Variants in ECPAS observed in about 807,000 individuals in gnomAD.
ECPAS encodes proteasome adapter and scaffold protein ECM29.
ECPAS carries 70 observed loss-of-function variants against 255.1 expected under a neutral mutation model. That is an observed-to-expected ratio of 0.27 (90% CI 0.23 to 0.33). ECPAS has a LOEUF of 0.33. ECPAS is among the 10% of genes least tolerant of loss of function. The pLI, the probability that ECPAS is intolerant of heterozygous loss-of-function variation, is 1.00. For missense variants in ECPAS, 1,817 were observed against 2,206.4 expected (o/e 0.82, Z 3.54); for synonymous variants, 784 against 775.0 (o/e 1.01, Z -0.19).
chr9:111,383,204 T>G lies in ECPAS; in HGVS notation c.3803+7A>C. ...CCAATACATTCATTTCATCAACGGA[T>G]GCACACCTGAGGGCTCGAACTTCCG... On this transcript the variant is annotated splice_region_variant and intron_variant, in intron 35 of 49. Transcript: ENST00000684092. 1 of 1,613,414 alleles carries G rather than the reference T, an allele frequency of 6.2e-7. No individual in the cohort carries two copies. The highest frequency in any genetic ancestry group is 8.5e-7 in the Non-Finnish European group (1 of 1,179,432).
intron 32 of ECPAS, 139 bp downstream of exon 32, chr9:111,386,238 A>T: frequency 1.5e-6 from 1 of 660,618 alleles, no homozygotes; most frequent in Non-Finnish European, 2.7e-6. Context: ...TGCTGGGATC[A>T]CAGGTGTGAG....
intron 5 of ECPAS, among the ~76,000 whole-genome samples, chr9:111,441,660 C>T (rs888131148): frequency 1.3e-5 from 2 of 152,206 alleles, no homozygotes; most frequent in African/African-American, 4.8e-5. Flanking sequence ...ACTCTTAAAA[C>T]ATCTGACAAC....
intron 7 of ECPAS, among the ~76,000 whole-genome samples, chr9:111,434,136 T>C (rs1292198946): frequency 3.3e-5 from 5 of 152,124 alleles, no homozygotes; most frequent in Non-Finnish European, 5.9e-5. Flanking sequence ...TTAATAAAGT[T>C]TACAATTATT....
At chr9:111,466,947 T>C (rs1391650572) in intron 2 of ECPAS, among the ~76,000 whole-genome samples, 1 of 152,200 alleles carries the variant, frequency 6.6e-6, no homozygotes, top group African/African-American at 2.4e-5. Flanking sequence ...TTTATCTTAT[T>C]CGCCTGTCTT....
chr9:111,378,278 G>A lies in ECPAS; in HGVS notation c.3954+302C>T, dbSNP rs540461537. The stretch of plus-strand genomic sequence containing the variant: ...TGCAAATACTCTTTGCTTACAGGGC[G>A]AGGGAGCCCATGGAAGGACTCTGAA... On this transcript the variant is annotated intron_variant, in intron 36 of 49. Coordinates refer to ENST00000684092, the MANE Select transcript of ECPAS (RefSeq NM_001364929.1). 5.4e-4 allele frequency among the ~76,000 whole-genome samples: 83 copies of A among 152,294 alleles called. No individual in the cohort carries two copies. In the Middle Eastern group the frequency reaches 0.01, roughly 19 times the overall value.
At chr9:111,375,982 C>T (rs1234004602) in intron 37 of ECPAS, among the ~76,000 whole-genome samples, 1 of 152,136 alleles carries the variant, frequency 6.6e-6, no homozygotes, top group Non-Finnish European at 1.5e-5. Flanking sequence ...ACCAAGACTC[C>T]AGGAAGTTTA....
intron 7 of ECPAS, among the ~76,000 whole-genome samples, chr9:111,435,087 C>CG (rs1050945167): frequency 2.2e-4 from 33 of 150,812 alleles, no homozygotes; most frequent in Non-Finnish European, 2.1e-4. Flanking sequence ...TTAATAGAGA[C>CG]GGGGTCTCAC....
chr9:111,468,996 A>G (rs1040667314), intron 2 of ECPAS, among the ~76,000 whole-genome samples: 1 of 152,226 alleles, frequency 6.6e-6, no homozygotes, highest in African/African-American at 2.4e-5. Flanking sequence ...AGTCCACTTC[A>G]TCTATCTGAA....
intron 12 of ECPAS, 138 bp from the exon 13 acceptor site, chr9:111,423,386 C>T (rs935314666): frequency 3.1e-5 from 20 of 638,816 alleles, no homozygotes; most frequent in Middle Eastern, 8.3e-4. Context: ...CTCACTCTGT[C>T]TAACTACATG....
At chr9:111,425,377 G>C (rs748464690) in intron 12 of ECPAS, 41 bp downstream of exon 12, 4 of 1,250,646 alleles carry the variant, frequency 3.2e-6, no homozygotes, top group Non-Finnish European at 4.4e-6. Flanking sequence ...AATACTTTAA[G>C]ATATAAAATG....
At chr9:111,416,883 C>T (rs1163123895) in intron 17 of ECPAS, among the ~76,000 whole-genome samples, 1 of 152,152 alleles carries the variant, frequency 6.6e-6, no homozygotes, top group Non-Finnish European at 1.5e-5. Flanking sequence ...CTGCCAATAT[C>T]CTGGATCTAC....
chr9:111,376,508 T>C lies in ECPAS; in HGVS notation c.3988A>G (p.Lys1330Glu). 1 of 1,600,958 alleles carries C rather than the reference T, an allele frequency of 6.2e-7. No individual in the cohort carries two copies. Among genetic ancestry groups the C allele is most frequent in the Non-Finnish European group, 8.5e-7 (1 of 1,173,378 alleles). Reference protein sequence around the residue: ...AMDSARLSAAKSSPMMETINM... With the variant: ...AMDSARLSAAESSPMMETINM... ...ATTGTTTCCATCATTGGAGAAGATT[T>C]GGCAGCACTAAGCCGAGCACTATCC... Residue 1330 changes from lysine to glutamate, a missense_variant, in exon 37 of 50, where the codon AAA (lysine) becomes GAA (glutamate). By Grantham distance (56) the Lys-to-Glu change is moderately conservative. Coordinates refer to ENST00000684092, the MANE Select transcript of ECPAS (RefSeq NM_001364929.1).
intron 49 of ECPAS, among the ~76,000 whole-genome samples, chr9:111,363,286 T>C (rs1564490724): frequency 6.6e-6 from 1 of 152,192 alleles, no homozygotes; most frequent in African/African-American, 2.4e-5. Context: ...CACATGCCAC[T>C]GTCAACCAAT....
chr9:111,451,789 C>A (rs998249838), intron 2 of ECPAS, among the ~76,000 whole-genome samples: 2 of 152,256 alleles, frequency 1.3e-5, no homozygotes, highest in South Asian at 2.1e-4. Context: ...ACAAAAAGTT[C>A]TCTCCCACAT....
intron 36 of ECPAS, among the ~76,000 whole-genome samples, chr9:111,378,061 G>A (rs1016702233): frequency 1.3e-5 from 2 of 152,034 alleles, no homozygotes; most frequent in African/African-American, 2.4e-5. Flanking sequence ...CAGGAGAATC[G>A]CTTGAACCTG....
rs781556785 is a variant in ECPAS at position 111,412,037 on chromosome 9, T to C, written c.2191A>G (p.Ile731Val). 4 of 1,577,570 alleles carry C rather than the reference T, an allele frequency of 2.5e-6. No homozygotes were observed. The highest frequency in any genetic ancestry group is 1.2e-5 in the South Asian group (1 of 83,768). Reference protein sequence around the residue: ...NELKSMIEQLIKTTKDNHSPE... With the variant: ...NELKSMIEQLVKTTKDNHSPE... ...ACGTGATTGTCTTTTGTAGTCTTTA[T>C]AAGCTGTTCTATCATTGATTTCAAC... is the stretch of plus-strand genomic sequence containing the variant. The change falls in exon 21 of 50, where the codon ATA becomes GTA. Residue 731 changes from isoleucine (I) to valine (V), a missense_variant. Ile to Val is a conservative substitution (Grantham distance 29). Coordinates refer to ENST00000684092, the MANE Select transcript of ECPAS (RefSeq NM_001364929.1).
chr9:111,441,233 GT>G (rs1246057624), intron 5 of ECPAS, among the ~76,000 whole-genome samples: 1 of 151,566 alleles, frequency 6.6e-6, no homozygotes, highest in Non-Finnish European at 1.5e-5. Context: ...GTCAGGCACA[GT>G]GGCTCACACC....
intron 39 of ECPAS, 83 bp downstream of exon 39, chr9:111,373,889 A>G (rs7029123): frequency 0.35 from 347,816 of 1,003,590 alleles, 67,837 homozygotes; most frequent in Non-Finnish European, 0.41. Context: ...GGTCTGAATG[A>G]TAAGTATTTT....
intron 35 of ECPAS, among the ~76,000 whole-genome samples, chr9:111,380,793 A>C (rs1004187075): frequency 6.6e-6 from 1 of 152,214 alleles, no homozygotes; most frequent in South Asian, 2.1e-4. Context: ...TCTTTATGTT[A>C]TGAAGACAGC....
Sources: gnomAD v4.1 joint callset for allele counts (sites outside exome capture counted in the v4.1 genomes callset) on GRCh38, gnomAD v4.1.1 for gene constraint, MANE v1.5 for transcripts, NCBI Gene and HGNC (gene_info 2026-07-23, HGNC 2026-07-21) for gene names.